The following TIAM1 variants were observed in gnomAD, a reference collection of about 807,000 sequenced individuals.
TIAM1 encodes the protein rho guanine nucleotide exchange factor TIAM1.
Under a neutral mutation model 163.5 loss-of-function variants are expected in TIAM1, and 65 were observed. That is an observed-to-expected ratio of 0.40 (90% CI 0.33 to 0.49). The LOEUF (loss-of-function observed/expected upper bound fraction) is 0.49. Among genes scored for constraint, TIAM1 ranks in the 20% least tolerant of loss-of-function variants. The pLI, the probability that TIAM1 is intolerant of heterozygous loss-of-function variation, is 0.77. For missense variants in TIAM1, 1,789 were observed against 2,044.7 expected (o/e 0.87, Z 2.41); for synonymous variants, 833 against 810.1 (o/e 1.03, Z -0.48).
chr21:31,224,163 G>T (rs1006850512), intron 7 of TIAM1, among the ~76,000 whole-genome samples: 7 of 152,122 alleles, frequency 4.6e-5, no homozygotes, highest in Admixed American at 4.6e-4. Flanking sequence ...TAGGCTGTTG[G>T]GATGTTTGAA....
In TIAM1 at chr21:31,146,771, G is replaced by C. The variant is rs2083139360; in HGVS notation, c.3475+124C>G. On this transcript the variant is annotated intron_variant, in intron 20 of 27. Transcript: ENST00000541036. ...ACATTGCTCAGCACCCATATCAGTG[G>C]CTTGCTGGAACATCTATCTGGCAAC... The C allele has an allele frequency of 8.5e-6, 6 of 707,150 alleles. No homozygotes were observed. In the Admixed American group the frequency reaches 1.4e-4, roughly 17 times the overall value. The allele number at this position is 707,150 out of a possible 1,614,324, so 43.8% of individuals were successfully genotyped here.
chr21:31,136,690 G>A (rs542903402), intron 22 of TIAM1, among the ~76,000 whole-genome samples: 1 of 152,234 alleles, frequency 6.6e-6, no homozygotes, highest in Admixed American at 6.5e-5. Flanking sequence ...CATGCAGTTA[G>A]TCTGTCAAAA....
At chr21:31,399,297 A>G (rs1245087475) in intron 2 of TIAM1, among the ~76,000 whole-genome samples, 5 of 152,136 alleles carry the variant, frequency 3.3e-5, no homozygotes, top group African/African-American at 2.4e-5. Context: ...TTTAAAATTT[A>G]TATGAGAATA....
intron 4 of TIAM1, among the ~76,000 whole-genome samples, chr21:31,260,685 A>C (rs1040924456): frequency 1.4e-5 from 2 of 143,770 alleles, no homozygotes; most frequent in African/African-American, 5.0e-5. Context: ...CAGAAAAAGA[A>C]AGATAAAGAG....
At chr21:31,255,017 C>T (rs186337536) in intron 4 of TIAM1, among the ~76,000 whole-genome samples, 2 of 152,212 alleles carry the variant, frequency 1.3e-5, no homozygotes, top group African/African-American at 4.8e-5. Flanking sequence ...TGGACACTCA[C>T]CTCTGTATAA....
intron 9 of TIAM1, among the ~76,000 whole-genome samples, chr21:31,213,908 C>T (rs575007472): frequency 6.7e-6 from 1 of 148,738 alleles, no homozygotes; most frequent in African/African-American, 2.6e-5. Flanking sequence ...ATTAGCCAGG[C>T]ATGGTGGGGT....
In TIAM1 at chr21:31,251,785, T is replaced by C. The variant is rs138588170; in HGVS notation, c.1368A>G (p.Ser456=). The change falls in exon 5 of 28, where the codon TCA becomes TCG. Residue 456 remains serine (S), a synonymous_variant. Coordinates refer to ENST00000541036, the MANE Select transcript of TIAM1 (RefSeq NM_001353694.2). ...AGTGCTTCCACTTCCTCCGGGTGGC[T>C]GACTCCACCTTCTTGTTCTTCTTGT... ...LVHKKNKKVE[S]ATRRKWKHYW... 1.6e-5 allele frequency: 25 copies of C among 1,608,474 alleles called. No homozygotes were observed. The African/African-American group carries it at 2.4e-4, about 15-fold the overall frequency.
intron 2 of TIAM1, among the ~76,000 whole-genome samples, chr21:31,303,697 G>A (rs912909542): frequency 1.3e-5 from 2 of 152,140 alleles, no homozygotes; most frequent in African/African-American, 4.8e-5. Flanking sequence ...ACAAAAAGTG[G>A]TCGGGCATGG....
intron 1 of TIAM1, among the ~76,000 whole-genome samples, chr21:31,552,341 GA>G (rs1411685634): frequency 6.6e-6 from 1 of 152,020 alleles, no homozygotes; most frequent in African/African-American, 2.4e-5. Context: ...ATTTATGTCA[GA>G]AAAAATATTA....
rs58529332 is a variant in TIAM1 at position 31,202,879 on chromosome 21, G to A, written c.2493+29C>T. On this transcript the variant is annotated intron_variant, in intron 12 of 27. Coordinates refer to ENST00000541036, the MANE Select transcript of TIAM1 (RefSeq NM_001353694.2). ...TAATTTGAAGATAATCTCCCATAAA[G>A]TGTGCTTGGACAACAGTCATAACAT... 4.2e-3 allele frequency: 6,674 copies of A among 1,575,520 alleles called. 256 individuals carry two copies. In the African/African-American group the frequency reaches 0.08, roughly 19 times the overall value.
chr21:31,490,347 CAG>C (rs1352507573), intron 1 of TIAM1, among the ~76,000 whole-genome samples: 2 of 152,240 alleles, frequency 1.3e-5, no homozygotes, highest in South Asian at 2.1e-4. Context: ...CCCAAAAATG[CAG>C]AGATTCAAAA....
chr21:31,435,061 C>A (rs1410197655), intron 2 of TIAM1, among the ~76,000 whole-genome samples: 1 of 152,190 alleles, frequency 6.6e-6, no homozygotes, highest in African/African-American at 2.4e-5. Flanking sequence ...TGAGCAGATT[C>A]TTGGCTTCCT....
chr21:31,235,470 A>G (rs1165487642), intron 6 of TIAM1, among the ~76,000 whole-genome samples: 1 of 152,226 alleles, frequency 6.6e-6, no homozygotes, highest in Non-Finnish European at 1.5e-5. Flanking sequence ...TAACACAGCT[A>G]AATGTTCATC....
intron 2 of TIAM1, among the ~76,000 whole-genome samples, chr21:31,459,594 G>A (rs1478267259): frequency 6.6e-6 from 1 of 152,132 alleles, no homozygotes; most frequent in Non-Finnish European, 1.5e-5. Flanking sequence ...AAGGGTGCTG[G>A]GCAGTGTTGC....
chr21:31,268,673 A>G (rs1015774685), intron 3 of TIAM1, among the ~76,000 whole-genome samples: 3 of 152,236 alleles, frequency 2.0e-5, no homozygotes, highest in Admixed American at 1.3e-4. Context: ...TTTCAAAGCA[A>G]TATGTTCACG....
chr21:31,129,513 T>G (rs527454325), intron 25 of TIAM1, among the ~76,000 whole-genome samples: 6 of 152,312 alleles, frequency 3.9e-5, no homozygotes, highest in African/African-American at 1.4e-4. Context: ...ACCCTATTTC[T>G]ACAAAATATT....
chr21:31,294,990 A>G (rs1214031750), intron 2 of TIAM1, among the ~76,000 whole-genome samples: 1 of 152,214 alleles, frequency 6.6e-6, no homozygotes, highest in Non-Finnish European at 1.5e-5. Flanking sequence ...TTTTCCATAA[A>G]GGTAAATAAG....
intron 2 of TIAM1, among the ~76,000 whole-genome samples, chr21:31,309,315 G>C (rs993951554): frequency 1.3e-5 from 2 of 151,956 alleles, no homozygotes; most frequent in African/African-American, 4.8e-5. Context: ...AAAATTAGCC[G>C]GGCACGGTGG....
At chr21:31,190,595 G>C (rs1434365382) in intron 13 of TIAM1, among the ~76,000 whole-genome samples, 2 of 152,122 alleles carry the variant, frequency 1.3e-5, no homozygotes, top group African/African-American at 2.4e-5. Flanking sequence ...AAATATAATA[G>C]TACTAGAAGT....
Sources: allele counts gnomAD v4.1 joint callset (sites outside exome capture counted in the v4.1 genomes callset), GRCh38; gene constraint gnomAD v4.1.1; transcripts MANE v1.5; gene names NCBI Gene and HGNC (gene_info 2026-07-23, HGNC 2026-07-21).